Variants in GRHL1 observed in about 807,000 individuals in gnomAD.
GRHL1 encodes the protein grainyhead like transcription factor 1.
GRHL1 carries 38 observed loss-of-function variants against 75.7 expected under a neutral mutation model. That is an observed-to-expected ratio of 0.50 (90% CI 0.39 to 0.66). The LOEUF is 0.66. GRHL1 is among the 30% of genes least tolerant of loss of function. The pLI, the probability that GRHL1 is intolerant of heterozygous loss-of-function variation, is 0.00. For synonymous variants in GRHL1, 266 were observed against 279.4 expected, an observed-to-expected ratio of 0.95 and a Z score of 0.48; for missense variants, 589 against 767.5, an observed-to-expected ratio of 0.77 and a Z score of 2.75.
Position 9,961,068 on chromosome 2 carries a change from G to A in GRHL1, c.301G>A (p.Glu101Lys), listed in dbSNP as rs377444151. The stretch of plus-strand genomic sequence containing the variant: ...AAGAAACAGCATACCAATTGTGACA[G>A]AGCAGCCCCTCATCTCTGCTGGAGA... ...SKRNSIPIVTEQPLISAGENR... is the reference protein window; with the variant it reads ...SKRNSIPIVTKQPLISAGENR... Residue 101 changes from glutamate to lysine, a missense_variant, in exon 4 of 16, where the codon GAG (glutamate) becomes AAG (lysine). Coordinates refer to ENST00000324907, the MANE Select transcript of GRHL1 (RefSeq NM_198182.3). The A allele has an allele frequency of 3.3e-5, 51 of 1,552,254 alleles. No homozygotes were observed. The highest frequency in any genetic ancestry group is 4.3e-5 in the Non-Finnish European group (49 of 1,146,202).
rs1667258214 is a variant in GRHL1 at position 9,961,281 on chromosome 2, C to G, written c.514C>G (p.Pro172Ala). Residue 172 changes from proline to alanine, a missense_variant, in exon 4 of 16, where the codon CCA (proline) becomes GCA (alanine). Pro to Ala is a conservative substitution (Grantham distance 27). Transcript: ENST00000324907. ...QPHGFAVGIPPAVYHPEPTER... is the reference protein window; with the variant it reads ...QPHGFAVGIPAAVYHPEPTER... ...ACATGGCTTCGCTGTGGGAATCCCC[C>G]CAGCAGTGTATCATCCTGAGCCCAC... 1.9e-6 allele frequency: 3 copies of G among 1,614,050 alleles called. No individual in the cohort carries two copies. Among genetic ancestry groups the G allele is most frequent in the Non-Finnish European group, 2.5e-6 (3 of 1,180,022 alleles).
chr2:9,990,573 A>G lies in GRHL1; in HGVS notation c.1270-123A>G, dbSNP rs147172452. 1 of 494,142 alleles carries G rather than the reference A, an allele frequency of 2.0e-6. No individual in the cohort carries two copies. The highest frequency in any genetic ancestry group is 3.2e-5 in the East Asian group (1 of 31,514). The allele number at this position is 494,142 out of a possible 1,614,324, so 30.6% of individuals were successfully genotyped here. ...TATGATAAGCCTCATGAATATAGTA[A>G]GTAATGGGGTTCCTGTCCAGAGAAG... On this transcript the variant is annotated intron_variant, in intron 9 of 15. Transcript: ENST00000324907. This position sits in a 1 kb window ranked among gnomAD's most constrained non-coding sequence, Gnocchi z 4.2.
At chr2:9,959,371 T>A (rs1667169635) in intron 3 of GRHL1, 1 of 152,552 alleles carries the variant, frequency 6.6e-6, no homozygotes, top group Admixed American at 6.5e-5. Flanking sequence ...GTCTTGTGTT[T>A]TATTATCAAT....
At chr2:9,959,086 C>A in intron 3 of GRHL1, 1 of 402,078 alleles carries the variant, frequency 2.5e-6, no homozygotes, top group Non-Finnish European at 4.4e-6. Flanking sequence ...CACTAACATT[C>A]TCCTCCTCCA....
At chr2:9,952,177 G>A (rs1666813503) in intron 1 of GRHL1, among the ~76,000 whole-genome samples, 1 of 151,978 alleles carries the variant, frequency 6.6e-6, no homozygotes, top group Non-Finnish European at 1.5e-5. Flanking sequence ...GCGGTCGGGT[G>A]CGGCGCGAGG....
Position 10,000,578 on chromosome 2 carries a change from TCC to T in GRHL1, c.1743-8_1743-7del. The stretch of plus-strand genomic sequence containing the variant: ...GTGGCAGTGAAGTTGGTTGGTCTTG[TCC>T]CCCCCCATCCAGGATCCTGGTGAAC... On this transcript the variant is annotated splice_polypyrimidine_tract_variant and intron_variant, in intron 15 of 15. Coordinates refer to ENST00000324907, the MANE Select transcript of GRHL1 (RefSeq NM_198182.3). 6 of 1,521,128 alleles carry T rather than the reference TCC, an allele frequency of 3.9e-6. No individual in the cohort carries two copies. Among genetic ancestry groups the T allele is most frequent in the Non-Finnish European group, 4.6e-6 (5 of 1,097,450 alleles). 94.2% of individuals were successfully genotyped at this position (1,521,128 alleles called of 1,614,324 possible).
At chr2:9,974,494 T>C (rs530523416) in intron 8 of GRHL1, among the ~76,000 whole-genome samples, 77 of 152,314 alleles carry the variant, frequency 5.1e-4, no homozygotes, top group Non-Finnish European at 5.6e-4. Flanking sequence ...AGCTTTTGAG[T>C]TGGGCGTGAT....
intron 8 of GRHL1, among the ~76,000 whole-genome samples, chr2:9,982,158 TA>T: frequency 6.6e-6 from 1 of 152,376 alleles, no homozygotes; most frequent in East Asian, 1.9e-4. Context: ...TATGCCTCTG[TA>T]AAAATTTTGT....
In GRHL1 at chr2:9,991,990, A is replaced by ATTTT; in HGVS notation, c.1322-7_1322-4dup. Reference sequence around the variant, plus strand: ...TTTGACCTTGGCTTCCTCTTTTTTAATTTTTTTTTTTTTCAGTTTCTGATG... The same window carrying ATTTT: ...TTTGACCTTGGCTTCCTCTTTTTTAATTTTTTTTTTTTTTTTTCAGTTTCTGATG... On this transcript the variant is annotated splice_polypyrimidine_tract_variant and intron_variant, in intron 10 of 15. Coordinates refer to ENST00000324907, the MANE Select transcript of GRHL1 (RefSeq NM_198182.3). 1 of 1,144,502 alleles carries ATTTT rather than the reference A, an allele frequency of 8.7e-7. No homozygotes were observed. The highest frequency in any genetic ancestry group is 1.2e-6 in the Non-Finnish European group (1 of 833,664). 70.9% of individuals were successfully genotyped at this position (1,144,502 alleles called of 1,614,324 possible).
chr2:9,976,996 C>T (rs943280835), intron 8 of GRHL1, among the ~76,000 whole-genome samples: 1 of 152,228 alleles, frequency 6.6e-6, no homozygotes, highest in Non-Finnish European at 1.5e-5. Flanking sequence ...TGAAGTGACA[C>T]TAATATTTGG....
intron 5 of GRHL1, 37 bp from the exon 6 acceptor site, chr2:9,963,849 G>A (rs373775883): frequency 1.9e-5 from 28 of 1,501,540 alleles, no homozygotes; most frequent in Non-Finnish European, 2.4e-5. Context: ...TTCCACGAGA[G>A]TAGATTTAGA....
Position 9,961,282 on chromosome 2 carries a change from C to A in GRHL1, c.515C>A (p.Pro172Gln), listed in dbSNP as rs905783454. Residue 172 changes from proline (P) to glutamine (Q), a missense_variant, in exon 4 of 16, where the codon CCA (proline) becomes CAA (glutamine). Around this residue, in one of 5 missense-constraint regions of GRHL1, gnomAD observed 362 missense variants for 461.8 expected, o/e 0.78. Coordinates refer to ENST00000324907, the MANE Select transcript of GRHL1 (RefSeq NM_198182.3). ...QPHGFAVGIP[P>Q]AVYHPEPTER... ...CATGGCTTCGCTGTGGGAATCCCCC[C>A]AGCAGTGTATCATCCTGAGCCCACT... 6.2e-7 allele frequency: 1 copy of A among 1,614,198 alleles called. No homozygotes were observed. Among genetic ancestry groups the A allele is most frequent in the Non-Finnish European group, 8.5e-7 (1 of 1,180,038 alleles).
chr2:9,977,294 AT>A (rs75381116), intron 8 of GRHL1, among the ~76,000 whole-genome samples: 17,705 of 152,162 alleles, frequency 0.12, 1,320 homozygotes, highest in African/African-American at 0.21. Context: ...ATTCAGTACC[AT>A]TTAATAACAG....
intron 3 of GRHL1, chr2:9,960,639 C>T: frequency 6.0e-6 from 1 of 167,374 alleles, no homozygotes; most frequent in Non-Finnish European, 1.3e-5. Context: ...GATGAGGATT[C>T]AGTTACTAAG....
chr2:9,999,096 C>T lies in GRHL1; in HGVS notation c.1742+67C>T, dbSNP rs186545141. 371 of 712,054 alleles carry T rather than the reference C, an allele frequency of 5.2e-4. 5 individuals are homozygous for T. In the Admixed American group the frequency reaches 7.9e-3, roughly 15 times the overall value. The allele number at this position is 712,054 out of a possible 1,614,324, so 44.1% of individuals were successfully genotyped here. On this transcript the variant is annotated intron_variant, in intron 15 of 15. Coordinates refer to ENST00000324907, the MANE Select transcript of GRHL1 (RefSeq NM_198182.3). ...TGCCCCCCGCAGTGCTAGTGTGACG[C>T]ACCCCCCAGTGCTGTTGACACCCCC...
chr2:9,952,445 G>T (rs2125198084), intron 1 of GRHL1, among the ~76,000 whole-genome samples: 2 of 152,120 alleles, frequency 1.3e-5, no homozygotes, highest in South Asian at 4.2e-4. Context: ...GAGTTATTTT[G>T]CCACTTGCAT....
intron 8 of GRHL1, among the ~76,000 whole-genome samples, chr2:9,979,253 A>G (rs1553303356): frequency 6.7e-6 from 1 of 148,666 alleles, no homozygotes; most frequent in Admixed American, 6.7e-5. Context: ...TTTTTACTCT[A>G]AAGACAGGGT....
chr2:9,972,413 G>C (rs1300958609), intron 8 of GRHL1, among the ~76,000 whole-genome samples: 1 of 151,982 alleles, frequency 6.6e-6, no homozygotes, highest in African/African-American at 2.4e-5. Flanking sequence ...ACTGTGACCT[G>C]CCATTATTAG....
chr2:9,995,834 G>A, intron 12 of GRHL1, 45 bp from the exon 13 acceptor site: 1 of 1,076,076 alleles, frequency 9.3e-7, no homozygotes, highest in Non-Finnish European at 1.4e-6. Context: ...TGTTGATGCA[G>A]CTGGTTAAGT....
Sources: allele counts gnomAD v4.1 joint callset (sites outside exome capture counted in the v4.1 genomes callset), GRCh38; gene constraint gnomAD v4.1.1; regional missense constraint gnomAD v4.1.1; non-coding constraint Gnocchi (gnomAD v3.1); transcripts MANE v1.5; gene names NCBI Gene and HGNC (gene_info 2026-07-23, HGNC 2026-07-21).